TENM2: variants seen among roughly 807,000 people sequenced by gnomAD.
The protein encoded by TENM2 is teneurin-2.
TENM2 carries 52 observed loss-of-function variants against 245.2 expected under a neutral mutation model. The ratio of observed to expected loss-of-function variants is 0.21; its 90% CI spans 0.17 to 0.27. The LOEUF is 0.27. TENM2 is among the 10% of genes least tolerant of loss of function. The pLI is 1.00. For synonymous variants in TENM2, 1,363 were observed against 1,438.9 expected, an observed-to-expected ratio of 0.95 and a Z score of 1.19; for missense variants, 3,046 against 3,666.8, an observed-to-expected ratio of 0.83 and a Z score of 4.37.
intron 7 of TENM2, among the ~76,000 whole-genome samples, chr5:168,083,664 A>G (rs892051560): frequency 1.3e-5 from 2 of 149,684 alleles, no homozygotes; most frequent in Non-Finnish European, 3.0e-5. Context: ...GTAAATCAGT[A>G]GCAAGTTTTT....
At chr5:167,572,417 A>G (rs1399916257) in intron 2 of TENM2, among the ~76,000 whole-genome samples, 1 of 152,218 alleles carries the variant, frequency 6.6e-6, no homozygotes, top group East Asian at 1.9e-4. Flanking sequence ...TTCTAAAATG[A>G]TAATTGTTAT....
chr5:167,259,283 T>G, the TENM2 span, among the ~76,000 whole-genome samples: 1 of 152,168 alleles, frequency 6.6e-6, no homozygotes, highest in Non-Finnish European at 1.5e-5. Context: ...GAGACACATA[T>G]AGTTGGATCT....
At position 167,332,726 on chromosome 5, in the gene TENM2, C is replaced by T. The variant is rs557155587; in HGVS notation, c.227-42472C>T. The stretch of plus-strand genomic sequence containing the variant: ...TAATCACACAAAAAAACCTAATTAG[C>T]GCAACAATGAAAATGGAAAGACTGA... On this transcript the variant is annotated intron_variant, in intron 1 of 28. Transcript: ENST00000518659. Among the ~76,000 whole-genome samples the T allele has an allele frequency of 6.6e-5, 10 of 152,224 alleles. 1 individual carries two copies. In the South Asian group the frequency reaches 8.3e-4, roughly 13 times the overall value.
the TENM2 span, among the ~76,000 whole-genome samples, chr5:167,271,164 G>A: frequency 1.3e-5 from 2 of 152,136 alleles, no homozygotes; most frequent in East Asian, 1.9e-4. Context: ...AGGCTCATGG[G>A]CTTTCTCTGC....
the TENM2 span, among the ~76,000 whole-genome samples, chr5:167,105,676 C>G: frequency 1.3e-5 from 2 of 151,240 alleles, no homozygotes; most frequent in East Asian, 3.9e-4. Context: ...ATCACGAGGT[C>G]AGGAGATCGA....
At chr5:167,172,566 C>A in the TENM2 span, among the ~76,000 whole-genome samples, 18 of 151,922 alleles carry the variant, frequency 1.2e-4, no homozygotes, top group Admixed American at 1.2e-3. Flanking sequence ...GGTTTCAGGG[C>A]AGAAGCTGCA....
chr5:168,015,188 T>C (rs148564777), intron 5 of TENM2, among the ~76,000 whole-genome samples: 140 of 152,292 alleles, frequency 9.2e-4, no homozygotes, highest in African/African-American at 3.2e-3. Context: ...TTGTAGGCAA[T>C]AGCACAGTTT....
At chr5:167,445,587 T>C (rs1368781114) in intron 2 of TENM2, among the ~76,000 whole-genome samples, 1 of 152,112 alleles carries the variant, frequency 6.6e-6, no homozygotes, top group Non-Finnish European at 1.5e-5. Context: ...ATACATTTTA[T>C]CCTCCCAATA....
At chr5:168,002,951 A>G (rs1784519177) in intron 5 of TENM2, among the ~76,000 whole-genome samples, 1 of 152,160 alleles carries the variant, frequency 6.6e-6, no homozygotes, top group Non-Finnish European at 1.5e-5. Context: ...AAAGCAACAA[A>G]TGAAATAGTA....
chr5:167,720,683 G>A (rs1759567034), intron 2 of TENM2, among the ~76,000 whole-genome samples: 1 of 152,184 alleles, frequency 6.6e-6, no homozygotes, highest in Admixed American at 6.5e-5. Context: ...CTTCTTAGAA[G>A]ATGTATTCAA....
chr5:168,044,182 G>A (rs866207147), intron 5 of TENM2, among the ~76,000 whole-genome samples: 5 of 152,154 alleles, frequency 3.3e-5, no homozygotes, highest in South Asian at 2.1e-4. Flanking sequence ...TTGGGAGGCC[G>A]AGGTGGGTGG....
At chr5:167,290,251 T>C (rs1754555681) in intron 1 of TENM2, among the ~76,000 whole-genome samples, 1 of 152,200 alleles carries the variant, frequency 6.6e-6, no homozygotes, top group Non-Finnish European at 1.5e-5. Context: ...ACTTTGTCCA[T>C]ATCCCAGTGC....
At chr5:168,255,156 T>C (rs1008187665) in intron 27 of TENM2, among the ~76,000 whole-genome samples, 1 of 152,186 alleles carries the variant, frequency 6.6e-6, no homozygotes, top group African/African-American at 2.4e-5. Context: ...GACGATTTGA[T>C]GTGGTATACA....
At chr5:167,871,511 G>A (rs1014138023) in intron 2 of TENM2, among the ~76,000 whole-genome samples, 12 of 152,108 alleles carry the variant, frequency 7.9e-5, no homozygotes, top group African/African-American at 2.9e-4. Flanking sequence ...CATATTTAAG[G>A]TCATGGTTAA....
At chr5:167,804,669 G>A (rs1486866498) in intron 2 of TENM2, among the ~76,000 whole-genome samples, 1 of 152,028 alleles carries the variant, frequency 6.6e-6, no homozygotes, top group Non-Finnish European at 1.5e-5. Context: ...CAAGGCCAGG[G>A]ATCAAACCAA....
intron 2 of TENM2, among the ~76,000 whole-genome samples, chr5:167,798,055 A>C (rs139284729): frequency 1.3e-5 from 2 of 152,326 alleles, no homozygotes; most frequent in Non-Finnish European, 2.9e-5. Context: ...TGCATTTCAT[A>C]ATCTTTTTCA....
At chr5:167,571,643 A>G (rs1057136423) in intron 2 of TENM2, among the ~76,000 whole-genome samples, 6 of 152,134 alleles carry the variant, frequency 3.9e-5, no homozygotes, top group African/African-American at 1.2e-4. Flanking sequence ...AGCTTTAAAA[A>G]AATCTCTCCT....
At chr5:167,040,346 G>C in the TENM2 span, among the ~76,000 whole-genome samples, 1 of 152,142 alleles carries the variant, frequency 6.6e-6, no homozygotes, top group Non-Finnish European at 1.5e-5. Context: ...AATTGAGGCA[G>C]TCTTTAAATG....
intron 2 of TENM2, among the ~76,000 whole-genome samples, chr5:167,652,673 C>G (rs948849007): frequency 2.6e-5 from 4 of 152,110 alleles, no homozygotes; most frequent in African/African-American, 9.7e-5. Context: ...CCATTTGACT[C>G]CTCTCCATGT....
Sources: gnomAD v4.1 joint callset for allele counts (sites outside exome capture counted in the v4.1 genomes callset) on GRCh38, gnomAD v4.1.1 for gene constraint, MANE v1.5 for transcripts, NCBI Gene and HGNC (gene_info 2026-07-23, HGNC 2026-07-21) for gene names.